Variants in EPHB1 observed in about 807,000 individuals in gnomAD.
EPHB1 encodes ephrin type-B receptor 1.
In EPHB1, 30 loss-of-function variants were observed where a neutral mutation model predicts 94.4. The ratio of observed to expected loss-of-function variants is 0.32; its 90% CI spans 0.24 to 0.43. EPHB1 has a LOEUF of 0.43. Ranked by LOEUF, EPHB1 falls within the 20% of genes least tolerant of loss-of-function variation. EPHB1 has a pLI of 1.00. For missense variants in EPHB1, 1,055 were observed against 1,308.3 expected, an observed-to-expected ratio of 0.81 and a Z score of 2.99; for synonymous variants, 522 against 489.1, an observed-to-expected ratio of 1.07 and a Z score of -0.89.
chr3:134,866,172 GA>G (rs1442326735), intron 1 of EPHB1, among the ~76,000 whole-genome samples: 1 of 152,244 alleles, frequency 6.6e-6, no homozygotes, highest in Admixed American at 6.5e-5. Flanking sequence ...AAGAGGCTGG[GA>G]AAGCTGGACC....
intron 1 of EPHB1, among the ~76,000 whole-genome samples, chr3:134,846,779 TC>T (rs2036879799): frequency 6.6e-6 from 1 of 152,064 alleles, no homozygotes; most frequent in Non-Finnish European, 1.5e-5. Context: ...TGGACCCTGG[TC>T]CATCATTGAG....
intron 1 of EPHB1, among the ~76,000 whole-genome samples, chr3:134,825,437 C>A (rs1215614472): frequency 1.3e-5 from 2 of 152,232 alleles, no homozygotes; most frequent in Admixed American, 1.3e-4. Context: ...GTGTCCCTTG[C>A]AGGGTTTCAT....
At chr3:135,095,747 A>C (rs1938734811) in intron 3 of EPHB1, among the ~76,000 whole-genome samples, 1 of 152,082 alleles carries the variant, frequency 6.6e-6, no homozygotes, top group Non-Finnish European at 1.5e-5. Flanking sequence ...CAGGTCCTTG[A>C]CTGAGTCATT....
At chr3:134,939,109 G>T (rs1462512524) in intron 2 of EPHB1, among the ~76,000 whole-genome samples, 1 of 152,068 alleles carries the variant, frequency 6.6e-6, no homozygotes, top group African/African-American at 2.4e-5. Flanking sequence ...CCAAGATTTT[G>T]TGGAGCTCTG....
chr3:134,968,563 A>G (rs1274760334), intron 3 of EPHB1, among the ~76,000 whole-genome samples: 1 of 152,152 alleles, frequency 6.6e-6, no homozygotes, highest in Non-Finnish European at 1.5e-5. Flanking sequence ...AATTTTTGTG[A>G]CTTCTTAATT....
intron 5 of EPHB1, among the ~76,000 whole-genome samples, chr3:135,148,434 C>G (rs548428924): frequency 6.6e-6 from 1 of 152,278 alleles, no homozygotes; most frequent in South Asian, 2.1e-4. Flanking sequence ...AGTCATGCCA[C>G]CATCTCAGAC....
intron 1 of EPHB1, among the ~76,000 whole-genome samples, chr3:134,858,363 C>A (rs751250380): frequency 2.0e-5 from 3 of 152,010 alleles, no homozygotes; most frequent in Non-Finnish European, 2.9e-5. Context: ...GGCAGTGGCA[C>A]GTGGGAGGGC....
chr3:134,938,614 C>T (rs557547016), intron 2 of EPHB1, among the ~76,000 whole-genome samples: 8 of 152,276 alleles, frequency 5.3e-5, no homozygotes, highest in African/African-American at 1.9e-4. Flanking sequence ...AGAGCATACA[C>T]ATCATGGAGG....
intron 2 of EPHB1, among the ~76,000 whole-genome samples, chr3:134,935,769 G>T (rs139837960): frequency 3.1e-4 from 47 of 152,270 alleles, no homozygotes; most frequent in African/African-American, 1.0e-3. Flanking sequence ...GATAGGTTGT[G>T]ATTCTTACAT....
chr3:134,891,734 T>A (rs1028249514), intron 1 of EPHB1, among the ~76,000 whole-genome samples: 1 of 152,244 alleles, frequency 6.6e-6, no homozygotes, highest in Non-Finnish European at 1.5e-5. Context: ...GACATTTGCA[T>A]TGATATTCAT....
At chr3:134,998,999 CA>C (rs1440754852) in intron 3 of EPHB1, among the ~76,000 whole-genome samples, 1 of 152,104 alleles carries the variant, frequency 6.6e-6, no homozygotes, top group Non-Finnish European at 1.5e-5. Flanking sequence ...GCCGGAAGCA[CA>C]AGGCTGCACA....
At chr3:135,129,239 T>C (rs1158369863) in intron 4 of EPHB1, among the ~76,000 whole-genome samples, 4 of 152,048 alleles carry the variant, frequency 2.6e-5, no homozygotes, top group Non-Finnish European at 5.9e-5. Context: ...CTGCATTTCC[T>C]CCTGAGCAGC....
chr3:134,919,577 C>T (rs2038637439), intron 1 of EPHB1, among the ~76,000 whole-genome samples: 1 of 152,150 alleles, frequency 6.6e-6, no homozygotes, highest in African/African-American at 2.4e-5. Flanking sequence ...TGCTGGGCTC[C>T]TGTTGCAAGG....
intron 4 of EPHB1, among the ~76,000 whole-genome samples, chr3:135,112,664 T>A (rs1939503462): frequency 6.6e-6 from 1 of 151,352 alleles, no homozygotes; most frequent in Non-Finnish European, 1.5e-5. Context: ...CTTGTGATAG[T>A]TTGCTGAGAA....
intron 3 of EPHB1, among the ~76,000 whole-genome samples, chr3:134,998,151 G>A (rs936524140): frequency 6.6e-6 from 1 of 152,126 alleles, no homozygotes; most frequent in Non-Finnish European, 1.5e-5. Context: ...AGTTCTTCTG[G>A]TCTGATGCAA....
In EPHB1 at chr3:135,201,683, C is replaced by T. The variant is rs1177164244; in HGVS notation, c.2340C>T (p.Ser780=). The T allele has an allele frequency of 5.6e-6, 9 of 1,613,518 alleles. No individual in the cohort carries two copies. Among genetic ancestry groups the T allele is most frequent in the Admixed American group, 1.7e-5 (1 of 59,972 alleles). The part of the protein sequence containing the change: ...QDDTSDPTYT[S]SLGGKIPVRW... ...ACACCTCAGATCCCACCTACACCAG[C>T]TCCTTGGTGAGTCCTTCTTGGCATT... is the stretch of plus-strand genomic sequence containing the variant. Residue 780 remains serine, a synonymous_variant, in exon 12 of 16, where the codon AGC becomes AGT. Transcript: ENST00000398015.
Position 135,199,995 on chromosome 3 carries a change from G to C in EPHB1, c.2131-1479G>C, listed in dbSNP as rs186998914. On this transcript the variant is annotated intron_variant, in intron 11 of 15. Transcript: ENST00000398015. ...TTCACATAAGGACTCTGGGATGCAG[G>C]TGGTGGTTGCCTTGCAGAGTGCCTA... is the stretch of plus-strand genomic sequence containing the variant. Among the ~76,000 whole-genome samples the C allele has an allele frequency of 2.6e-5, 4 of 152,310 alleles. No homozygotes were observed. The East Asian group carries it at 7.7e-4, about 29-fold the overall frequency.
intron 1 of EPHB1, among the ~76,000 whole-genome samples, chr3:134,797,232 A>G (rs1386018933): frequency 6.6e-6 from 1 of 152,120 alleles, no homozygotes; most frequent in African/African-American, 2.4e-5. Context: ...GCTTTTTGGA[A>G]CGTGCAGGAG....
intron 11 of EPHB1, among the ~76,000 whole-genome samples, chr3:135,194,406 G>A (rs62270211): frequency 0.013 from 1,979 of 152,288 alleles, 40 homozygotes; most frequent in African/African-American, 0.046. Context: ...TCTAGGGAAG[G>A]CTTCAAAGAG....
Sources: gnomAD v4.1 joint callset for allele counts (sites outside exome capture counted in the v4.1 genomes callset) on GRCh38, gnomAD v4.1.1 for gene constraint, MANE v1.5 for transcripts, NCBI Gene and HGNC (gene_info 2026-07-23, HGNC 2026-07-21) for gene names.